Variants in PDK1 observed in about 807,000 individuals in gnomAD.
PDK1 encodes [Pyruvate dehydrogenase (acetyl-transferring)] kinase isozyme 1, mitochondrial.
Under a neutral mutation model 54.2 loss-of-function variants are expected in PDK1, and 39 were observed. The ratio of observed to expected loss-of-function variants is 0.72; its 90% CI spans 0.56 to 0.94. The LOEUF (loss-of-function observed/expected upper bound fraction) is 0.94. Among genes scored for constraint, PDK1 ranks in the 40% least tolerant of loss-of-function variants. PDK1 has a pLI of 0.00. For synonymous variants in PDK1, 221 were observed against 207.1 expected (o/e 1.07, Z -0.58); for missense variants, 552 against 566.0 (o/e 0.98, Z 0.25).
chr2:172,565,125 T>G, intron 5 of PDK1, 52 bp downstream of exon 5: 1 of 1,069,546 alleles, frequency 9.3e-7, no homozygotes, highest in East Asian at 2.4e-5. Context: ...TCAAAATTAT[T>G]GTTATTTCTT....
chr2:172,609,896 A>T (rs372546109), downstream of PDK1, among the ~76,000 whole-genome samples: 82 of 152,206 alleles, frequency 5.4e-4, 1 homozygote, highest in Middle Eastern at 6.8e-3. Context: ...ATCTCAGCTC[A>T]CTGCAACCTC....
At chr2:172,560,253 G>A (rs1317003991) in intron 2 of PDK1, among the ~76,000 whole-genome samples, 1 of 152,118 alleles carries the variant, frequency 6.6e-6, no homozygotes, top group Admixed American at 6.5e-5. Context: ...TTGACCTCCT[G>A]GGGTCAAGAG....
chr2:172,559,096 G>A (rs773225191), intron 2 of PDK1, among the ~76,000 whole-genome samples: 4 of 151,756 alleles, frequency 2.6e-5, no homozygotes, highest in Non-Finnish European at 4.4e-5. Flanking sequence ...TTACAGGCAC[G>A]TGCCACCACG....
chr2:172,704,504 T>C, the PDK1 span, among the ~76,000 whole-genome samples: 2 of 152,020 alleles, frequency 1.3e-5, no homozygotes, highest in African/African-American at 4.8e-5. Flanking sequence ...TAAAGGGAAG[T>C]AGTATTTTCA....
At chr2:172,634,108 G>C in the PDK1 span, among the ~76,000 whole-genome samples, 10 of 150,984 alleles carry the variant, frequency 6.6e-5, no homozygotes, top group Admixed American at 4.0e-4. Flanking sequence ...ACTCCTGAGA[G>C]CTCAGGTCAT....
chr2:172,649,187 T>A, the PDK1 span, among the ~76,000 whole-genome samples: 93,897 of 152,062 alleles, frequency 0.62, 30,732 homozygotes, highest in Non-Finnish European at 0.74. Context: ...TATTTGCTGT[T>A]CTGCAGCTTC....
At chr2:172,689,747 G>A in the PDK1 span, among the ~76,000 whole-genome samples, 1 of 137,288 alleles carries the variant, frequency 7.3e-6, no homozygotes, top group Non-Finnish European at 1.6e-5. Flanking sequence ...CAAGAAATGG[G>A]CAAAAGATTC....
the PDK1 span, among the ~76,000 whole-genome samples, chr2:172,696,034 G>A: frequency 2.6e-5 from 4 of 152,028 alleles, no homozygotes; most frequent in African/African-American, 9.7e-5. Context: ...TTAGCTGGGT[G>A]TGGTGATAGT....
intron 8 of PDK1, among the ~76,000 whole-genome samples, chr2:172,581,933 G>A (rs564248873): frequency 6.6e-6 from 1 of 152,018 alleles, no homozygotes; most frequent in South Asian, 2.1e-4. Context: ...TTTTTTTATA[G>A]ATGGAGTGTT....
At chr2:172,616,311 C>A in the PDK1 span, among the ~76,000 whole-genome samples, 1 of 152,264 alleles carries the variant, frequency 6.6e-6, no homozygotes, top group African/African-American at 2.4e-5. Context: ...GAAATACTCT[C>A]AAAACCCAAT....
downstream of PDK1, among the ~76,000 whole-genome samples, chr2:172,609,554 A>G (rs1434708988): frequency 6.6e-6 from 1 of 152,234 alleles, no homozygotes; most frequent in Non-Finnish European, 1.5e-5. Context: ...TAAAATAAAG[A>G]TCACATAGAA....
the PDK1 span, among the ~76,000 whole-genome samples, chr2:172,639,006 A>C: frequency 6.6e-5 from 10 of 152,210 alleles, no homozygotes; most frequent in Non-Finnish European, 1.3e-4. Flanking sequence ...AGAAAAGAAA[A>C]AACATTTTAG....
At chr2:172,644,077 G>A in the PDK1 span, among the ~76,000 whole-genome samples, 3 of 152,180 alleles carry the variant, frequency 2.0e-5, no homozygotes, top group African/African-American at 7.2e-5. Context: ...GGCATGACAG[G>A]TGTACAGCAA....
In PDK1 at chr2:172,606,247, G is replaced by A. The variant is rs1469005552; in HGVS notation, c.*10278G>A. The A allele has an allele frequency of 1.3e-5, 2 of 152,152 alleles. No homozygotes were observed. The highest frequency in any genetic ancestry group is 4.8e-5 in the African/African-American group (2 of 41,412). 9.4% of individuals were successfully genotyped at this position (152,152 alleles called of 1,614,324 possible). A position where few individuals can be genotyped will look rare whatever the true frequency, so the allele number is the denominator to read the frequency against. On this transcript the variant is annotated 3_prime_UTR_variant, in exon 11 of 11. Transcript: ENST00000282077. ...GTATAGTGATCATAAGCAGACATTG[G>A]GTGCTTTAGCAAAGCCAATTTGCCT...
chr2:172,661,498 G>A, the PDK1 span, among the ~76,000 whole-genome samples: 1 of 152,162 alleles, frequency 6.6e-6, no homozygotes, highest in Non-Finnish European at 1.5e-5. Flanking sequence ...AGTGACGTCA[G>A]CCATGAAATC....
At chr2:172,564,951 T>A (rs1330073735) in intron 4 of PDK1, 27 bp from the exon 5 acceptor site, 2 of 1,483,554 alleles carry the variant, frequency 1.3e-6, no homozygotes, top group Non-Finnish European at 1.9e-6. Flanking sequence ...TTAGCTTATT[T>A]TGTTGGTTTT....
At chr2:172,646,593 G>A in the PDK1 span, among the ~76,000 whole-genome samples, 1 of 152,058 alleles carries the variant, frequency 6.6e-6, no homozygotes, top group African/African-American at 2.4e-5. Flanking sequence ...GTGATTTTTA[G>A]TAGTTACAAT....
Position 172,601,494 on chromosome 2 carries a change from A to T in PDK1, c.*5525A>T, listed in dbSNP as rs950201915. The T allele has an allele frequency of 6.6e-6, 1 of 152,132 alleles. No individual in the cohort carries two copies. The highest frequency in any genetic ancestry group is 1.5e-5 in the Non-Finnish European group (1 of 68,030). The allele number at this position is 152,132 out of a possible 1,614,324, so 9.4% of individuals were successfully genotyped here. ...CTGTTCTCGTGATAGTTCCCATGAG[A>T]TCTGATGGTTTTATAAGTATTTGGT... On this transcript the variant is annotated 3_prime_UTR_variant, in exon 11 of 11. Coordinates refer to ENST00000282077, the MANE Select transcript of PDK1 (RefSeq NM_002610.5).
At chr2:172,616,501 C>A in the PDK1 span, among the ~76,000 whole-genome samples, 2 of 152,084 alleles carry the variant, frequency 1.3e-5, no homozygotes, top group Admixed American at 6.5e-5. Flanking sequence ...AAACAATGCT[C>A]AGGCATATGA....
Sources: allele counts gnomAD v4.1 joint callset (sites outside exome capture counted in the v4.1 genomes callset), GRCh38; gene constraint gnomAD v4.1.1; transcripts MANE v1.5; gene names NCBI Gene and HGNC (gene_info 2026-07-23, HGNC 2026-07-21).